The following PAK3 variants were observed in gnomAD, a reference collection of about 807,000 sequenced individuals.
PAK3 encodes the protein serine/threonine-protein kinase PAK 3.
Under a neutral mutation model 41.0 loss-of-function variants are expected in PAK3, and 4 were observed. The observed-to-expected ratio is 0.10, with a 90% confidence interval of 0.05 to 0.22. The LOEUF is 0.22. Ranked by LOEUF, PAK3 falls within the 10% of genes least tolerant of loss-of-function variation. PAK3 has a pLI of 1.00. For missense variants in PAK3, 205 were observed against 409.9 expected, an observed-to-expected ratio of 0.50 and a Z score of 4.32; for synonymous variants, 146 against 139.6, an observed-to-expected ratio of 1.05 and a Z score of -0.32.
chrX:110,980,534 G>A (rs1417669446), intron 1 of PAK3, among the ~76,000 whole-genome samples: 1 of 111,146 alleles, frequency 9.0e-6, no homozygotes. Context: ...TAGGGGCCAA[G>A]GGATAACTTT....
intron 5 of PAK3, among the ~76,000 whole-genome samples, chrX:111,127,456 A>C (rs1403359854): frequency 9.0e-6 from 1 of 111,236 alleles, no homozygotes; most frequent in Non-Finnish European, 1.9e-5. Flanking sequence ...AAAAAAAAAG[A>C]AACAGTAGAT....
At chrX:111,187,728 G>A (rs2094524223) in intron 11 of PAK3, among the ~76,000 whole-genome samples, 1 of 111,078 alleles carries the variant, frequency 9.0e-6, no homozygotes, top group Non-Finnish European at 1.9e-5. Context: ...CAGAGCTGGG[G>A]AAAAGGTGGT....
rs751986531 is a variant in PAK3 at position 111,199,354 on chromosome X, A to C, written c.1407+2714A>C. On this transcript the variant is annotated intron_variant, in intron 16 of 17. Transcript: ENST00000372007. ...CTGATTACTCTGGCTAGAACTTCTA[A>C]CATTTTTCTAACATGCTTTGATTGT... Among the ~76,000 whole-genome samples the C allele has an allele frequency of 3.6e-5, 4 of 111,275 alleles. No individual in the cohort carries two copies. The East Asian group carries it at 1.1e-3, about 31-fold the overall frequency.
At chrX:110,947,951 A>C (rs2090656050) in intron 1 of PAK3, among the ~76,000 whole-genome samples, 1 of 112,094 alleles carries the variant, frequency 8.9e-6, no homozygotes, top group African/African-American at 3.2e-5. Context: ...CTCTGTAAGT[A>C]TTTTGAGCTG....
At chrX:111,097,110 G>A (rs941701952) in intron 1 of PAK3, among the ~76,000 whole-genome samples, 56 of 108,979 alleles carry the variant, frequency 5.1e-4, no homozygotes, top group African/African-American at 1.9e-3. Context: ...TCTTTGTCTG[G>A]GGAGCAGTGT....
chrX:111,028,520 T>C (rs1446854198), intron 1 of PAK3, among the ~76,000 whole-genome samples: 1 of 111,344 alleles, frequency 9.0e-6, no homozygotes, highest in African/African-American at 3.3e-5. Flanking sequence ...GAAATCCAAA[T>C]TGAAATTTTA....
At chrX:111,013,644 G>T (rs73537169) in intron 1 of PAK3, among the ~76,000 whole-genome samples, 6,302 of 111,010 alleles carry the variant, frequency 0.057, 470 homozygotes, top group African/African-American at 0.2. Context: ...TAGTACAGGC[G>T]TATAAGAACA....
chrX:111,145,650 A>G (rs35571710), intron 6 of PAK3, among the ~76,000 whole-genome samples: 1 of 111,713 alleles, frequency 9.0e-6, no homozygotes, highest in Non-Finnish European at 1.9e-5. Flanking sequence ...GTGTCGTTTC[A>G]CTGTGCTTGG....
In PAK3 at chrX:111,216,545, A is replaced by G; in HGVS notation, c.1532A>G (p.Lys511Arg). ...GATGTGGATAGGCGAGGATCTGCCA[A>G]GGAGCTTTTGCAGGTGAAAATAAAA... ...EMDVDRRGSAKELLQHPFLKL... is the reference protein window; with the variant it reads ...EMDVDRRGSARELLQHPFLKL... Residue 511 changes from lysine (K) to arginine (R), a missense_variant, in exon 17 of 18, where the codon AAG becomes AGG. Lys to Arg is a conservative substitution (Grantham distance 26). This residue lies in a region of PAK3 where 40 missense variants were observed against 54.4 expected (regional missense o/e 0.74). Coordinates refer to ENST00000372007, the MANE Select transcript of PAK3 (RefSeq NM_002578.5). The G allele has an allele frequency of 8.3e-7, 1 of 1,203,503 alleles. No individual in the cohort carries two copies. The highest frequency in any genetic ancestry group is 1.1e-6 in the Non-Finnish European group (1 of 887,913).
At chrX:110,997,613 T>C (rs1389750206) in intron 1 of PAK3, among the ~76,000 whole-genome samples, 3 of 111,964 alleles carry the variant, frequency 2.7e-5, no homozygotes, top group African/African-American at 9.7e-5. Context: ...AGTTGCTATT[T>C]ACCTGAGATG....
At chrX:111,206,365 C>T (rs1488505286) in intron 16 of PAK3, among the ~76,000 whole-genome samples, 2 of 111,619 alleles carry the variant, frequency 1.8e-5, no homozygotes, top group African/African-American at 3.3e-5. Context: ...CCCAGGGTTG[C>T]TTCATAAGCA....
rs973270187 is a variant in PAK3 at position 111,226,939 on chromosome X, A to G, written c.*6492A>G. 1 of 112,217 alleles carries G rather than the reference A, an allele frequency of 8.9e-6. No homozygotes were observed. Among genetic ancestry groups the G allele is most frequent in the African/African-American group, 3.2e-5 (1 of 30,875 alleles). The allele number at this position is 112,217 out of a possible 1,213,427, so 9.2% of individuals were successfully genotyped here. A position where few individuals can be genotyped will look rare whatever the true frequency, so the allele number is the denominator to read the frequency against. On this transcript the variant is annotated 3_prime_UTR_variant, in exon 18 of 18. Coordinates refer to ENST00000372007, the MANE Select transcript of PAK3 (RefSeq NM_002578.5). ...GCCAGATCACAGGGTAGTGATGTCT[A>G]CTGGGATTATACTCATAACATCTAC...
chrX:111,196,326 G>A lies in PAK3; in HGVS notation c.1211-118G>A, dbSNP rs2094612677. The stretch of plus-strand genomic sequence containing the variant: ...GACATCAGTTAACAAAAAGGTATGA[G>A]CTAGGCAGTTGTGGAAACTCAGTGT... On this transcript the variant is annotated intron_variant, in intron 15 of 17. Transcript: ENST00000372007. 5.1e-6 allele frequency: 3 copies of A among 587,552 alleles called. No individual in the cohort carries two copies. The East Asian group carries it at 9.7e-5, about 19-fold the overall frequency. The allele number at this position is 587,552 out of a possible 1,213,427, so 48.4% of individuals were successfully genotyped here.
intron 8 of PAK3, chrX:111,152,727 C>T: frequency 4.5e-6 from 1 of 223,043 alleles, no homozygotes. Context: ...ACCCACCCCA[C>T]CCTAGTCACA....
At chrX:111,212,115 A>T (rs904171089) in intron 16 of PAK3, among the ~76,000 whole-genome samples, 30 of 111,392 alleles carry the variant, frequency 2.7e-4, no homozygotes, top group African/African-American at 9.5e-4. Flanking sequence ...GGTGAGGAAG[A>T]AGGGGGAAAA....
rs2094955886 is a variant in PAK3, at chrX:111,226,910, A to G, written c.*6463A>G. The stretch of plus-strand genomic sequence containing the variant: ...TTTTAATCTCAGTACATCAGCCAGG[A>G]GGAGCCAGATCACAGGGTAGTGATG... On this transcript the variant is annotated 3_prime_UTR_variant, in exon 18 of 18. Transcript: ENST00000372007. 1 of 112,360 alleles carries G rather than the reference A, an allele frequency of 8.9e-6. No homozygotes were observed. Among genetic ancestry groups the G allele is most frequent in the African/African-American group, 3.2e-5 (1 of 30,917 alleles). 9.3% of individuals were successfully genotyped at this position (112,360 alleles called of 1,213,427 possible).
rs1209995736 is a variant in PAK3, at chrX:111,152,462, G to A, written c.468+15G>A. 8.1e-6 allele frequency: 9 copies of A among 1,104,740 alleles called. No individual in the cohort carries two copies. The Middle Eastern group carries it at 1.5e-3, about 178-fold the overall frequency. 91.0% of individuals were successfully genotyped at this position (1,104,740 alleles called of 1,213,427 possible). On this transcript the variant is annotated intron_variant, in intron 8 of 17. Transcript: ENST00000372007. Reference sequence around the variant, plus strand: ...CCCATCCTTCGGTAAGTGAAAAATTGAAAACTGTTTCACATGATTGGTGTT... The same window carrying A: ...CCCATCCTTCGGTAAGTGAAAAATTAAAAACTGTTTCACATGATTGGTGTT...
chrX:110,990,644 A>T (rs367664315), intron 1 of PAK3, among the ~76,000 whole-genome samples: 3,048 of 98,957 alleles, frequency 0.031, 112 homozygotes, highest in African/African-American at 0.11. Flanking sequence ...GGCAGGAGTT[A>T]AAAAAAAAAA....
intron 1 of PAK3, among the ~76,000 whole-genome samples, chrX:110,975,017 A>G (rs1365964093): frequency 8.9e-6 from 1 of 112,223 alleles, no homozygotes; most frequent in African/African-American, 3.2e-5. Context: ...CTGAATGGGC[A>G]AAAACTGGAA....
Sources: allele counts gnomAD v4.1 joint callset (sites outside exome capture counted in the v4.1 genomes callset), GRCh38; gene constraint gnomAD v4.1.1; regional missense constraint gnomAD v4.1.1; transcripts MANE v1.5; gene names NCBI Gene and HGNC (gene_info 2026-07-23, HGNC 2026-07-21).